The following SH3KBP1 variants were observed in gnomAD, a reference collection of about 807,000 sequenced individuals.
SH3KBP1 encodes SH3 domain containing kinase binding protein 1.
In SH3KBP1, 8 loss-of-function variants were observed where a neutral mutation model predicts 50.1. That is an observed-to-expected ratio of 0.16 (90% CI 0.09 to 0.29). SH3KBP1 has a LOEUF of 0.29. Ranked by LOEUF, SH3KBP1 falls within the 10% of genes least tolerant of loss-of-function variation. SH3KBP1 has a pLI of 1.00. For missense variants in SH3KBP1, 377 were observed against 535.2 expected (o/e 0.70, Z 2.92); for synonymous variants, 227 against 218.6 (o/e 1.04, Z -0.34).
intron 6 of SH3KBP1, among the ~76,000 whole-genome samples, chrX:19,662,819 C>CTTT (rs754310237): frequency 1.1e-5 from 1 of 91,655 alleles, no homozygotes. Flanking sequence ...CCAGGACTGA[C>CTTT]TTTTTTTTTT....
At chrX:19,569,015 C>G (rs1021735948) in intron 13 of SH3KBP1, 88 bp downstream of exon 13, 3 of 808,678 alleles carry the variant, frequency 3.7e-6, no homozygotes, top group Non-Finnish European at 5.6e-6. Context: ...GGCTTTATTA[C>G]TTCTCATCAT....
At chrX:19,626,660 T>TG (rs2068031067) in intron 8 of SH3KBP1, among the ~76,000 whole-genome samples, 2 of 110,884 alleles carry the variant, frequency 1.8e-5, no homozygotes, top group Middle Eastern at 4.7e-3. Flanking sequence ...CTCAACCTCC[T>TG]GGGCTCAGGC....
intron 1 of SH3KBP1, among the ~76,000 whole-genome samples, chrX:19,842,001 T>TA (rs952642719): frequency 1.2e-4 from 13 of 108,421 alleles, no homozygotes; most frequent in Middle Eastern, 4.7e-3. Context: ...GGAACATATT[T>TA]AAAAAAAAAC....
chrX:19,641,070 T>A (rs2061844519), intron 7 of SH3KBP1, among the ~76,000 whole-genome samples: 1 of 111,855 alleles, frequency 8.9e-6, no homozygotes, highest in African/African-American at 3.3e-5. Context: ...TCTGCTTTTG[T>A]TGCTTTACTC....
chrX:19,540,917 C>T (rs1477512127), intron 16 of SH3KBP1, among the ~76,000 whole-genome samples: 1 of 110,883 alleles, frequency 9.0e-6, no homozygotes, highest in Non-Finnish European at 1.9e-5. Context: ...CAGTGCCTCC[C>T]TACTTTTTTT....
chrX:19,632,604 T>G (rs940748244), intron 7 of SH3KBP1, among the ~76,000 whole-genome samples: 24 of 112,392 alleles, frequency 2.1e-4, no homozygotes, highest in Non-Finnish European at 1.3e-4. Flanking sequence ...TCCCTATGCA[T>G]AGATGGCTGT....
intron 2 of SH3KBP1, among the ~76,000 whole-genome samples, chrX:19,827,270 G>A (rs1041772647): frequency 5.4e-5 from 6 of 111,708 alleles, no homozygotes; most frequent in Non-Finnish European, 9.4e-5. Flanking sequence ...TACTTTTGCC[G>A]AACACATACA....
At chrX:19,545,813 G>T in intron 15 of SH3KBP1, 109 bp downstream of exon 15, 1 of 922,558 alleles carries the variant, frequency 1.1e-6, no homozygotes, top group Non-Finnish European at 1.5e-6. Context: ...CGCTGTCACT[G>T]AAGAATGACA....
intron 5 of SH3KBP1, chrX:19,687,741 G>C (rs1320238191): frequency 2.1e-6 from 2 of 957,020 alleles, no homozygotes; most frequent in Non-Finnish European, 3.0e-6. Context: ...AGAGAGGGGG[G>C]AGGAGGGAGC....
rs778969089 is a variant in SH3KBP1, at chrX:19,684,594, T to C, written c.521-566A>G. On this transcript the variant is annotated intron_variant, in intron 5 of 17. Transcript: ENST00000397821. ...GATGGCTTCACAAGGAATAAATGCA[T>C]GCAGACATGTTTCTCTAGGAAAGCA... Among the ~76,000 whole-genome samples the C allele has an allele frequency of 3.5e-5, 4 of 112,736 alleles. No individual in the cohort carries two copies. The East Asian group carries it at 1.1e-3, about 31-fold the overall frequency.
intron 1 of SH3KBP1, among the ~76,000 whole-genome samples, chrX:19,866,627 G>A (rs1459121670): frequency 9.3e-6 from 1 of 107,349 alleles, no homozygotes; most frequent in Non-Finnish European, 1.9e-5. Flanking sequence ...GAGTTTGAGG[G>A]TACAATGAGC....
intron 6 of SH3KBP1, among the ~76,000 whole-genome samples, chrX:19,664,329 A>G (rs949159935): frequency 5.4e-5 from 6 of 111,554 alleles, no homozygotes; most frequent in East Asian, 2.8e-4. Context: ...TTTCATGCCA[A>G]GATGATCAAC....
At chrX:19,877,920 C>T (rs1343532045) in intron 1 of SH3KBP1, among the ~76,000 whole-genome samples, 1 of 112,264 alleles carries the variant, frequency 8.9e-6, no homozygotes, top group African/African-American at 3.2e-5. Flanking sequence ...TCCGTGGCCA[C>T]AGAAAGGAAG....
intron 8 of SH3KBP1, among the ~76,000 whole-genome samples, chrX:19,609,063 G>A (rs1470795696): frequency 8.9e-6 from 1 of 112,778 alleles, no homozygotes. Context: ...AAAGGACAAC[G>A]AGCAAAAATG....
chrX:19,671,739 C>T (rs1316695274), intron 6 of SH3KBP1, among the ~76,000 whole-genome samples: 1 of 111,569 alleles, frequency 9.0e-6, no homozygotes, highest in Non-Finnish European at 1.9e-5. Flanking sequence ...GATAATGGCA[C>T]CAACCTACAG....
chrX:19,873,273 CATATATATATATATATGTAT>C (rs1314983911), intron 1 of SH3KBP1, among the ~76,000 whole-genome samples: 212 of 78,599 alleles, frequency 2.7e-3, no homozygotes, highest in African/African-American at 0.011. Flanking sequence ...AAAACAAGGA[CATATATATATATATATGTAT>C]ATATATATAT....
rs767225518 is a variant in SH3KBP1, at chrX:19,574,662, C to T, written c.1299-5474G>A. On this transcript the variant is annotated intron_variant, in intron 12 of 17. Coordinates refer to ENST00000397821, the MANE Select transcript of SH3KBP1 (RefSeq NM_031892.3). ...ACCTAATCACTTCTCAAAGGCCCCA[C>T]CTCTTATTCTGTCACCTTGGGAGTG... Among the ~76,000 whole-genome samples the T allele has an allele frequency of 1.7e-4, 19 of 112,360 alleles. No individual in the cohort carries two copies. The South Asian group carries it at 6.5e-3, about 39-fold the overall frequency.
chrX:19,754,782 C>T (rs1009396119), intron 2 of SH3KBP1, among the ~76,000 whole-genome samples: 1 of 111,763 alleles, frequency 8.9e-6, no homozygotes, highest in Non-Finnish European at 1.9e-5. Flanking sequence ...TATAAAGATA[C>T]GGCTGGATCA....
intron 2 of SH3KBP1, among the ~76,000 whole-genome samples, chrX:19,788,273 AAAAAAAAAAAAAC>A (rs1390476933): frequency 5.1e-5 from 5 of 97,391 alleles, no homozygotes; most frequent in South Asian, 4.1e-4. Flanking sequence ...TATCTCCAAA[AAAAAAAAAAAAAC>A]AAAAAAAAAA....
Sources: gnomAD v4.1 joint callset for allele counts (sites outside exome capture counted in the v4.1 genomes callset) on GRCh38, gnomAD v4.1.1 for gene constraint, MANE v1.5 for transcripts, NCBI Gene and HGNC (gene_info 2026-07-23, HGNC 2026-07-21) for gene names.